ANK3: variants seen among roughly 807,000 people sequenced by gnomAD.
ANK3 encodes ankyrin-3.
Under a neutral mutation model 370.9 loss-of-function variants are expected in ANK3, and 57 were observed. That is an observed-to-expected ratio of 0.15 (90% CI 0.12 to 0.19). The LOEUF is 0.19. ANK3 is among the 10% of genes least tolerant of loss of function. ANK3 has a pLI of 1.00. For missense variants in ANK3, 4,439 were observed against 5,302.1 expected, an observed-to-expected ratio of 0.84 and a Z score of 5.06; for synonymous variants, 1,929 against 1,946.3, an observed-to-expected ratio of 0.99 and a Z score of 0.23.
intron 1 of ANK3, among the ~76,000 whole-genome samples, chr10:60,622,028 A>G (rs906977282): frequency 1.3e-5 from 2 of 152,158 alleles, no homozygotes; most frequent in African/African-American, 4.8e-5. Flanking sequence ...CTGTTTCCTC[A>G]TTTATGATGG....
In ANK3 at chr10:60,132,273, C is replaced by T. The variant is rs149903577; in HGVS notation, c.2841+1998G>A. ...GCACTGAAATGGTTTGGCTGTGTCC[C>T]CATCCAAATCTCATCTTGAATTGTA... On this transcript the variant is annotated intron_variant, in intron 25 of 43. Coordinates refer to ENST00000280772, the MANE Select transcript of ANK3 (RefSeq NM_020987.5). Among the ~76,000 whole-genome samples the T allele has an allele frequency of 6.6e-3, 998 of 152,230 alleles. 4 individuals carry two copies. The highest frequency in any genetic ancestry group is 0.012 in the Admixed American group (189 of 15,288).
intron 1 of ANK3, among the ~76,000 whole-genome samples, chr10:60,688,575 T>C (rs2079302384): frequency 6.6e-6 from 1 of 152,192 alleles, no homozygotes; most frequent in African/African-American, 2.4e-5. Context: ...ATATTCCATT[T>C]TGTGAATATA....
chr10:60,183,996 C>T (rs893216902), intron 17 of ANK3, among the ~76,000 whole-genome samples: 65 of 151,890 alleles, frequency 4.3e-4, no homozygotes, highest in African/African-American at 1.5e-3. Context: ...AAAATAGGAA[C>T]ATCAAAAGCA....
chr10:60,440,124 G>C lies in ANK3; in HGVS notation c.97-160485C>G, dbSNP rs188380064. ...ACAACAATTCATGCAAAAAATCAGA[G>C]TAAGAGTAGAAGGAGGATAAAGAGA... On this transcript the variant is annotated intron_variant, in intron 2 of 43. Transcript: ENST00000373827. Among the ~76,000 whole-genome samples, 3 of 152,142 alleles carry C rather than the reference G, an allele frequency of 2.0e-5. No individual in the cohort carries two copies. In the East Asian group the frequency reaches 5.8e-4, roughly 29 times the overall value.
chr10:60,044,456 T>C, intron 42 of ANK3: 1 of 537,182 alleles, frequency 1.9e-6, no homozygotes, highest in Non-Finnish European at 2.4e-6. Context: ...AGTTGTAAAT[T>C]CTACTTGCTA....
intron 2 of ANK3, among the ~76,000 whole-genome samples, chr10:60,447,350 C>T (rs952915300): frequency 4.6e-5 from 7 of 152,122 alleles, no homozygotes; most frequent in Non-Finnish European, 8.8e-5. Context: ...GGTGATGGTT[C>T]AGGAAAGGCA....
chr10:60,486,299 T>C (rs536516700), intron 2 of ANK3, among the ~76,000 whole-genome samples: 7 of 152,310 alleles, frequency 4.6e-5, no homozygotes, highest in South Asian at 4.1e-4. Context: ...TTATTTGTGG[T>C]CAGGCGCAAT....
intron 8 of ANK3, among the ~76,000 whole-genome samples, chr10:60,226,577 T>C (rs796331145): frequency 7.3e-5 from 3 of 41,280 alleles, no homozygotes; most frequent in Non-Finnish European, 8.6e-5. Flanking sequence ...AGTATATGTA[T>C]ATATACTATG....
At chr10:60,147,675 G>A (rs1314083843) in intron 23 of ANK3, among the ~76,000 whole-genome samples, 1 of 152,016 alleles carries the variant, frequency 6.6e-6, no homozygotes, top group Non-Finnish European at 1.5e-5. Context: ...ATGAGATGTG[G>A]TTGTTTTAAG....
At chr10:60,694,415 C>G (rs1222853899) in intron 1 of ANK3, among the ~76,000 whole-genome samples, 3 of 152,118 alleles carry the variant, frequency 2.0e-5, no homozygotes, top group Middle Eastern at 3.4e-3. Flanking sequence ...AGATACTCCT[C>G]GAGAAGAGCA....
chr10:60,270,327 C>T, intron 4 of ANK3, 98 bp from the exon 5 acceptor site: 2 of 613,570 alleles, frequency 3.3e-6, no homozygotes, highest in East Asian at 6.5e-5. Context: ...TGCTCACATA[C>T]AATAACTTTA....
chr10:60,602,771 T>C (rs2078081240), intron 2 of ANK3, among the ~76,000 whole-genome samples: 1 of 152,056 alleles, frequency 6.6e-6, no homozygotes, highest in Admixed American at 6.6e-5. Flanking sequence ...GGCAGATATC[T>C]CCTGATATGA....
intron 1 of ANK3, among the ~76,000 whole-genome samples, chr10:60,307,858 G>C (rs2045490710): frequency 6.6e-6 from 1 of 152,182 alleles, no homozygotes; most frequent in East Asian, 1.9e-4. Context: ...ATGAAACGCT[G>C]AGCCCCAGGA....
intron 5 of ANK3, among the ~76,000 whole-genome samples, chr10:60,264,341 C>A (rs1444862125): frequency 6.6e-6 from 1 of 151,848 alleles, no homozygotes; most frequent in Admixed American, 6.6e-5. Flanking sequence ...GCTATAATAT[C>A]AATATTCATA....
chr10:60,511,135 G>A (rs985096815), intron 2 of ANK3, among the ~76,000 whole-genome samples: 7 of 152,026 alleles, frequency 4.6e-5, no homozygotes, highest in Non-Finnish European at 2.9e-5. Flanking sequence ...CTTGAACACC[G>A]GTATGAAATT....
intron 2 of ANK3, among the ~76,000 whole-genome samples, chr10:60,531,019 G>A (rs193113968): frequency 6.6e-6 from 1 of 152,194 alleles, no homozygotes; most frequent in African/African-American, 2.4e-5. Context: ...ACTAAACTTT[G>A]TCTTTAGAAT....
intron 2 of ANK3, among the ~76,000 whole-genome samples, chr10:60,410,945 A>G (rs1238046856): frequency 1.1e-4 from 16 of 152,080 alleles, no homozygotes; most frequent in Admixed American, 1.0e-3. Flanking sequence ...AAGTGCTGGA[A>G]TTACAGGCGT....
chr10:60,075,483 G>A lies in ANK3; in HGVS notation c.5398C>T (p.Leu1800Phe). 1 of 1,612,986 alleles carries A rather than the reference G, an allele frequency of 6.2e-7. No homozygotes were observed. The highest frequency in any genetic ancestry group is 8.5e-7 in the Non-Finnish European group (1 of 1,179,992). The change falls in exon 37 of 44, where the codon CTC (leucine) becomes TTC (phenylalanine). Residue 1800 changes from leucine to phenylalanine, a missense_variant. Leu to Phe is a conservative substitution (Grantham distance 22, BLOSUM62 0). Transcript: ENST00000280772. ...ATTGACGACCCAAGGGATGTATAGA[G>A]TGCACTTGCGGAAGGAGTTCTTAGA... ...QSLRTPSASALYTSLGSSISA... is the reference protein window; with the variant it reads ...QSLRTPSASAFYTSLGSSISA...
intron 2 of ANK3, among the ~76,000 whole-genome samples, chr10:60,577,643 T>A (rs950286350): frequency 1.3e-5 from 2 of 152,150 alleles, no homozygotes; most frequent in African/African-American, 4.8e-5. Flanking sequence ...GAACTGTGAG[T>A]CCATTAAATC....
Sources: gnomAD v4.1 joint callset for allele counts (sites outside exome capture counted in the v4.1 genomes callset) on GRCh38, gnomAD v4.1.1 for gene constraint, MANE v1.5 for transcripts, NCBI Gene and HGNC (gene_info 2026-07-23, HGNC 2026-07-21) for gene names.